Variants in NEU3 observed in about 807,000 individuals in gnomAD.
NEU3 encodes neuraminidase 3, also known as sialidase-3.
A neutral mutation model predicts 11.4 loss-of-function variants in NEU3; 10 were observed. That is an observed-to-expected ratio of 0.88 (90% CI 0.54 to 1.49). The LOEUF (loss-of-function observed/expected upper bound fraction) is 1.49. Ranked by LOEUF, NEU3 falls within the 40% of genes most tolerant of loss-of-function variation. The pLI, the probability that NEU3 is intolerant of heterozygous loss-of-function variation, is 0.00. For missense variants in NEU3, 529 were observed against 581.8 expected, an observed-to-expected ratio of 0.91 and a Z score of 0.93; for synonymous variants, 212 against 228.2, an observed-to-expected ratio of 0.93 and a Z score of 0.64.
intron 2 of NEU3, among the ~76,000 whole-genome samples, chr11:74,997,007 G>T (rs1948795877): frequency 6.6e-6 from 1 of 152,192 alleles, no homozygotes; most frequent in Non-Finnish European, 1.5e-5. Context: ...AGTAGATTTA[G>T]GATAATTCTT....
downstream of NEU3, among the ~76,000 whole-genome samples, chr11:75,015,612 G>A (rs1186241348): frequency 6.6e-6 from 1 of 152,164 alleles, no homozygotes; most frequent in African/African-American, 2.4e-5. Flanking sequence ...GATGCTGCAG[G>A]TGCACAGACC....
Position 75,005,806 on chromosome 11 carries a change from CTGA to C in NEU3, c.705_707del (p.Met235del). On this transcript the variant is annotated inframe_deletion, in exon 3 of 3. Coordinates refer to ENST00000294064, the MANE Select transcript of NEU3 (RefSeq NM_006656.6). Reference sequence around the variant, plus strand: ...ACCATGTAAAACCAGGCCTCATTCTCTGATGATCTACAGTGATGACCTAGGGGT... The same window carrying C: ...ACCATGTAAAACCAGGCCTCATTCTCTGATCTACAGTGATGACCTAGGGGT... 1 of 1,613,992 alleles carries C rather than the reference CTGA, an allele frequency of 6.2e-7. No homozygotes were observed. The highest frequency in any genetic ancestry group is 8.5e-7 in the Non-Finnish European group (1 of 1,179,866).
chr11:74,988,797 G>C (rs576449099), upstream of NEU3: 17 of 514,086 alleles, frequency 3.3e-5, no homozygotes, highest in African/African-American at 3.2e-4. Flanking sequence ...TGGGGACCGA[G>C]CTGCGGGCTG....
intron 1 of NEU3, among the ~76,000 whole-genome samples, chr11:74,991,631 A>T (rs1015150316): frequency 6.6e-6 from 1 of 152,142 alleles, no homozygotes; most frequent in Non-Finnish European, 1.5e-5. Context: ...CAGGATCTGG[A>T]CTGTGCTGAC....
At chr11:75,017,883 G>A (rs1047045037) in intron 3 of NEU3, among the ~76,000 whole-genome samples, 3 of 152,170 alleles carry the variant, frequency 2.0e-5, no homozygotes, top group Non-Finnish European at 4.4e-5. Flanking sequence ...CTGGGAGGTA[G>A]GGAGGAAAAC....
chr11:74,989,589 G>A (rs1948709059), intron 1 of NEU3, among the ~76,000 whole-genome samples: 2 of 152,270 alleles, frequency 1.3e-5, no homozygotes, highest in African/African-American at 2.4e-5. Flanking sequence ...GGTCTGGCAC[G>A]TGGTAGGTGC....
At chr11:75,015,009 T>C (rs1948974906), downstream of NEU3, among the ~76,000 whole-genome samples, 6 of 152,372 alleles carry the variant, frequency 3.9e-5, no homozygotes, top group South Asian at 1.2e-3. Flanking sequence ...TTATTATTTT[T>C]TCCTACAGTA....
chr11:75,012,799 T>C (rs1269817684), downstream of NEU3, among the ~76,000 whole-genome samples: 2 of 152,152 alleles, frequency 1.3e-5, no homozygotes, highest in African/African-American at 2.4e-5. Context: ...ACGAGCACTG[T>C]GATAGTAACT....
chr11:75,006,129 G>A lies in NEU3; in HGVS notation c.1023G>A (p.Gln341=), dbSNP rs1591761805. Residue 341 remains glutamine (Q), a synonymous_variant, in exon 3 of 3, where the codon CAG becomes CAA. Coordinates refer to ENST00000294064, the MANE Select transcript of NEU3 (RefSeq NM_006656.6). The part of the protein sequence containing the change: ...SSSKDAPTIQ[Q]SSPGSSLRLE... The stretch of plus-strand genomic sequence containing the variant: ...GCAAAGATGCACCCACCATTCAGCA[G>A]AGCTCTCCAGGCAGTTCACTGAGGC... The A allele has an allele frequency of 6.2e-7, 1 of 1,614,006 alleles. No homozygotes were observed. The highest frequency in any genetic ancestry group is 8.5e-7 in the Non-Finnish European group (1 of 1,179,884).
intron 3 of NEU3, among the ~76,000 whole-genome samples, chr11:75,017,818 G>T (rs1948987588): frequency 1.3e-5 from 2 of 152,132 alleles, no homozygotes; most frequent in African/African-American, 4.8e-5. Context: ...ACTGAACAAT[G>T]GGGGCCTCTG....
rs1040456753 is a variant in NEU3, at chr11:75,007,386, A to G, written c.*894A>G. Reference sequence around the variant, plus strand: ...GGGGCTAGAAGAGCGAGAAAATTCAAGAAAATAAATGTAGCTGGTGGGAGA... The same window carrying G: ...GGGGCTAGAAGAGCGAGAAAATTCAGGAAAATAAATGTAGCTGGTGGGAGA... On this transcript the variant is annotated 3_prime_UTR_variant, in exon 3 of 3. Coordinates refer to ENST00000294064, the MANE Select transcript of NEU3 (RefSeq NM_006656.6). The G allele has an allele frequency of 6.6e-6, 1 of 152,244 alleles. No homozygotes were observed. The highest frequency in any genetic ancestry group is 1.5e-5 in the Non-Finnish European group (1 of 68,054). 9.4% of individuals were successfully genotyped at this position (152,244 alleles called of 1,614,324 possible). A position where few individuals can be genotyped will look rare whatever the true frequency, so the allele number is the denominator to read the frequency against.
At chr11:74,982,484 C>A in the NEU3 span, among the ~76,000 whole-genome samples, 1 of 152,180 alleles carries the variant, frequency 6.6e-6, no homozygotes, top group Non-Finnish European at 1.5e-5. Flanking sequence ...TTGCCTCTCC[C>A]AACAGTGTCT....
rs1948931084 is a variant in NEU3, at chr11:75,009,203, T to TA, written c.*2711_*2712insA. The TA allele has an allele frequency of 6.6e-6, 1 of 152,106 alleles. No homozygotes were observed. Among genetic ancestry groups the TA allele is most frequent in the African/African-American group, 2.4e-5 (1 of 41,372 alleles). 9.4% of individuals were successfully genotyped at this position (152,106 alleles called of 1,614,324 possible). A position where few individuals can be genotyped will look rare whatever the true frequency, so the allele number is the denominator to read the frequency against. ...GTCCTGGCACCTTAGGAAGAGAAAG[T>TA]GTCACAGACACGAGGCCTAGGCTAG... On this transcript the variant is annotated 3_prime_UTR_variant, in exon 3 of 3. Coordinates refer to ENST00000294064, the MANE Select transcript of NEU3 (RefSeq NM_006656.6).
chr11:74,995,175 C>T (rs575489502), intron 2 of NEU3: 3 of 396,954 alleles, frequency 7.6e-6, no homozygotes, highest in South Asian at 1.3e-4. Flanking sequence ...GATGAGAGAT[C>T]CTAGTGCTCC....
At chr11:74,996,191 A>G (rs908226994) in intron 2 of NEU3, among the ~76,000 whole-genome samples, 1 of 152,198 alleles carries the variant, frequency 6.6e-6, no homozygotes, top group African/African-American at 2.4e-5. Context: ...AAGTTTGCTG[A>G]AACAGTTGAC....
At chr11:74,999,424 T>C (rs1466102901) in intron 2 of NEU3, among the ~76,000 whole-genome samples, 2 of 152,244 alleles carry the variant, frequency 1.3e-5, no homozygotes, top group Non-Finnish European at 2.9e-5. Context: ...CTCTGACTTA[T>C]TTAATTGTAC....
downstream of NEU3, among the ~76,000 whole-genome samples, chr11:75,019,935 G>A (rs1416166872): frequency 6.6e-5 from 10 of 152,172 alleles, no homozygotes; most frequent in East Asian, 3.8e-4. Flanking sequence ...GACACTCAAC[G>A]TCAGCTTGTG....
At chr11:74,996,267 T>A (rs921486877) in intron 2 of NEU3, among the ~76,000 whole-genome samples, 1 of 152,240 alleles carries the variant, frequency 6.6e-6, no homozygotes, top group Non-Finnish European at 1.5e-5. Flanking sequence ...ATTTTTCCCA[T>A]AGTAGAACTT....
intron 2 of NEU3, among the ~76,000 whole-genome samples, chr11:74,995,913 C>T (rs981365017): frequency 6.6e-6 from 1 of 151,878 alleles, no homozygotes; most frequent in South Asian, 2.1e-4. Context: ...CAGAACTTTG[C>T]GAGGCCAAAG....
Sources: allele counts gnomAD v4.1 joint callset (sites outside exome capture counted in the v4.1 genomes callset), GRCh38; gene constraint gnomAD v4.1.1; transcripts MANE v1.5; gene names NCBI Gene and HGNC (gene_info 2026-07-23, HGNC 2026-07-21).